Variants in ZNF385D observed in about 807,000 individuals in gnomAD.
The protein encoded by ZNF385D is zinc finger protein 385D.
Under a neutral mutation model 35.8 loss-of-function variants are expected in ZNF385D, and 15 were observed. The observed-to-expected ratio is 0.42, with a 90% confidence interval of 0.28 to 0.64. ZNF385D has a LOEUF of 0.64. ZNF385D is among the 30% of genes least tolerant of loss of function. The probability of loss-of-function intolerance (pLI) is 0.23; values close to 1 mark genes in which losing one functional copy is unlikely to be tolerated. For synonymous variants in ZNF385D, 212 were observed against 186.8 expected (o/e 1.13, Z -1.10); for missense variants, 474 against 494.6 (o/e 0.96, Z 0.39).
At chr3:22,340,861 A>C (rs1384587619) in intron 2 of ZNF385D, among the ~76,000 whole-genome samples, 2 of 152,228 alleles carry the variant, frequency 1.3e-5, no homozygotes, top group Non-Finnish European at 2.9e-5. Context: ...GAGCCATGTC[A>C]GCTTCAATTT....
chr3:22,238,535 G>C (rs185944588), intron 2 of ZNF385D, among the ~76,000 whole-genome samples: 3 of 150,222 alleles, frequency 2.0e-5, no homozygotes, highest in Admixed American at 1.3e-4. Context: ...CACTTATTTT[G>C]TTTAATATTA....
chr3:21,800,592 G>A (rs956852341), intron 3 of ZNF385D, among the ~76,000 whole-genome samples: 1 of 152,122 alleles, frequency 6.6e-6, no homozygotes, highest in African/African-American at 2.4e-5. Context: ...AGGCAACAGA[G>A]TGAGACCTTG....
chr3:22,090,016 T>C (rs754633527), intron 3 of ZNF385D, among the ~76,000 whole-genome samples: 2 of 152,048 alleles, frequency 1.3e-5, no homozygotes, highest in Non-Finnish European at 2.9e-5. Flanking sequence ...TTTTTTTGCA[T>C]TTTAGTAGAG....
chr3:21,851,558 T>C (rs1469234074), intron 3 of ZNF385D, among the ~76,000 whole-genome samples: 2 of 152,004 alleles, frequency 1.3e-5, no homozygotes, highest in Non-Finnish European at 2.9e-5. Context: ...TTATAGTATA[T>C]TCACTTAAAA....
At chr3:21,953,825 GT>G (rs1376402215) in intron 3 of ZNF385D, among the ~76,000 whole-genome samples, 2 of 151,998 alleles carry the variant, frequency 1.3e-5, no homozygotes, top group Non-Finnish European at 2.9e-5. Flanking sequence ...AAAAATTAGA[GT>G]AAGTGATTTC....
At chr3:21,634,353 AAAG>A (rs1228165872) in intron 2 of ZNF385D, among the ~76,000 whole-genome samples, 1 of 151,112 alleles carries the variant, frequency 6.6e-6, no homozygotes, top group African/African-American at 2.4e-5. Flanking sequence ...GAAAGAAAGA[AAAG>A]AAAAAAAGAA....
chr3:21,578,589 T>C (rs2063561360), intron 2 of ZNF385D, among the ~76,000 whole-genome samples: 2 of 152,194 alleles, frequency 1.3e-5, no homozygotes. Context: ...TCTAAGAGAC[T>C]GTCCTGCCCC....
At chr3:21,423,876 T>G in intron 7 of ZNF385D, 87 bp downstream of exon 7, 1 of 1,297,326 alleles carries the variant, frequency 7.7e-7, no homozygotes, top group Non-Finnish European at 1.1e-6. Flanking sequence ...TGGGCTGTGG[T>G]TAAAGGTGGC....
At chr3:22,233,734 T>C (rs1163163638) in intron 2 of ZNF385D, among the ~76,000 whole-genome samples, 1 of 152,084 alleles carries the variant, frequency 6.6e-6, no homozygotes, top group African/African-American at 2.4e-5. Context: ...CTTGACATTC[T>C]CATCTTTTGA....
chr3:21,546,941 CT>C (rs2062395092), intron 3 of ZNF385D, among the ~76,000 whole-genome samples: 1 of 152,022 alleles, frequency 6.6e-6, no homozygotes, highest in East Asian at 1.9e-4. Context: ...AGTGGACACT[CT>C]TCCCTCTCTG....
chr3:22,368,568 A>T (rs956194652), intron 2 of ZNF385D, among the ~76,000 whole-genome samples: 1 of 152,196 alleles, frequency 6.6e-6, no homozygotes, highest in African/African-American at 2.4e-5. Context: ...TGTGAAGACC[A>T]GGATCTTGGT....
Position 22,135,007 on chromosome 3 carries a change from T to G in ZNF385D, c.325+33810A>C, listed in dbSNP as rs562926183. On this transcript the variant is annotated intron_variant, in intron 3 of 5. Coordinates refer to the ZNF385D transcript ENST00000494108. ...ACAAATTAAAAATAATTAACAATCA[T>G]ACAAAGTATATCCTTTGATCATAAG... Among the ~76,000 whole-genome samples the G allele has an allele frequency of 4.6e-5, 7 of 152,228 alleles. No individual in the cohort carries two copies. The East Asian group carries it at 1.4e-3, about 29-fold the overall frequency.
At chr3:21,977,017 C>A (rs1703671203) in intron 3 of ZNF385D, among the ~76,000 whole-genome samples, 1 of 152,096 alleles carries the variant, frequency 6.6e-6, no homozygotes, top group Non-Finnish European at 1.5e-5. Flanking sequence ...TAATAAACCA[C>A]TGCTACATAT....
chr3:21,602,527 T>C (rs1021700807), intron 2 of ZNF385D, among the ~76,000 whole-genome samples: 9 of 77,688 alleles, frequency 1.2e-4, no homozygotes, highest in African/African-American at 1.6e-4. Flanking sequence ...CTTTTTTTTT[T>C]TTTTTTTTTT....
intron 3 of ZNF385D, among the ~76,000 whole-genome samples, chr3:21,968,715 G>A (rs1256914866): frequency 6.6e-6 from 1 of 152,138 alleles, no homozygotes; most frequent in Non-Finnish European, 1.5e-5. Flanking sequence ...ATCAGCAATG[G>A]TAGCCAGGCA....
chr3:21,629,496 A>C (rs1203958012), intron 2 of ZNF385D, among the ~76,000 whole-genome samples: 6 of 152,200 alleles, frequency 3.9e-5, no homozygotes, highest in Admixed American at 3.9e-4. Flanking sequence ...GAATAAAGAC[A>C]TGAAAAATGA....
rs536996731 is a variant in ZNF385D at position 22,174,073 on chromosome 3, C to G, written c.107-5038G>C. On this transcript the variant is annotated intron_variant, in intron 2 of 5. Transcript: ENST00000494108. ...ACACAGAGATATCCAAGCCAACCAT[C>G]ACATAATTAACAATTTATAAACTTC... Among the ~76,000 whole-genome samples, 239 of 151,926 alleles carry G rather than the reference C, an allele frequency of 1.6e-3. 1 individual carries two copies. The highest frequency in any genetic ancestry group is 2.2e-3 in the Non-Finnish European group (151 of 67,886).
At chr3:22,029,571 T>A (rs1473038023) in intron 3 of ZNF385D, among the ~76,000 whole-genome samples, 1 of 152,224 alleles carries the variant, frequency 6.6e-6, no homozygotes, top group Non-Finnish European at 1.5e-5. Flanking sequence ...ACTGTTATCA[T>A]GAGTATTTCC....
At chr3:21,799,657 T>C (rs1007498579) in intron 3 of ZNF385D, among the ~76,000 whole-genome samples, 3 of 152,158 alleles carry the variant, frequency 2.0e-5, no homozygotes, top group Non-Finnish European at 4.4e-5. Context: ...GTCCTTTTCA[T>C]ATTCTGAGTA....
Sources: allele counts gnomAD v4.1 joint callset (sites outside exome capture counted in the v4.1 genomes callset), GRCh38; gene constraint gnomAD v4.1.1; transcripts MANE v1.5; gene names NCBI Gene and HGNC (gene_info 2026-07-23, HGNC 2026-07-21).